The following KALRN variants were observed in gnomAD, a reference collection of about 807,000 sequenced individuals.
KALRN encodes the protein kalirin RhoGEF kinase.
A neutral mutation model predicts 353.7 loss-of-function variants in KALRN; 70 were observed. The observed-to-expected ratio is 0.20, with a 90% CI of 0.16 to 0.24. The LOEUF is 0.24. Among genes scored for constraint, KALRN ranks in the 10% least tolerant of loss-of-function variants. The pLI, the probability that KALRN is intolerant of heterozygous loss-of-function variation, is 1.00. For synonymous variants in KALRN, 1,391 were observed against 1,434.8 expected (o/e 0.97, Z 0.69); for missense variants, 2,791 against 3,756.7 (o/e 0.74, Z 6.72).
At chr3:124,562,636 C>T in intron 33 of KALRN, 7 of 374,070 alleles carry the variant, frequency 1.9e-5, no homozygotes, top group Non-Finnish European at 3.0e-5. Flanking sequence ...ACATTTTTTT[C>T]TTGTTTTCTT....
intron 34 of KALRN, among the ~76,000 whole-genome samples, chr3:124,628,138 A>C (rs1258487730): frequency 1.3e-4 from 14 of 104,624 alleles, no homozygotes; most frequent in East Asian, 3.2e-4. Flanking sequence ...CTTTCCTTCC[A>C]TCCTCCCTCC....
intron 3 of KALRN, among the ~76,000 whole-genome samples, chr3:124,251,194 T>G (rs1220018800): frequency 1.3e-5 from 2 of 152,138 alleles, no homozygotes; most frequent in Non-Finnish European, 2.9e-5. Flanking sequence ...TTTATGCAGC[T>G]GCCTCATGCT....
intron 33 of KALRN, among the ~76,000 whole-genome samples, chr3:124,523,281 C>T (rs1561217327): frequency 6.6e-6 from 1 of 152,214 alleles, no homozygotes. Context: ...AAATCCAGGA[C>T]ATACAGCTGC....
chr3:124,174,493 G>A (rs2072377253), intron 1 of KALRN, among the ~76,000 whole-genome samples: 1 of 152,202 alleles, frequency 6.6e-6, no homozygotes, highest in South Asian at 2.1e-4. Flanking sequence ...GTCAGTTGCT[G>A]CCAATCTGCC....
intron 5 of KALRN, among the ~76,000 whole-genome samples, chr3:124,296,691 C>T (rs1453221784): frequency 6.6e-6 from 1 of 152,236 alleles, no homozygotes; most frequent in East Asian, 1.9e-4. Flanking sequence ...CAGTCTGTCC[C>T]ACCTGCCTCC....
intron 1 of KALRN, among the ~76,000 whole-genome samples, chr3:124,067,882 T>G (rs1379643626): frequency 6.6e-6 from 1 of 152,224 alleles, no homozygotes; most frequent in Non-Finnish European, 1.5e-5. Context: ...GACTAGGATG[T>G]GAAGACACAG....
intron 33 of KALRN, among the ~76,000 whole-genome samples, chr3:124,556,898 G>T (rs1481266486): frequency 6.6e-6 from 1 of 152,104 alleles, no homozygotes; most frequent in Non-Finnish European, 1.5e-5. Flanking sequence ...TGTTGATGAT[G>T]TTCACACAGT....
At chr3:124,229,369 T>C (rs2078916832) in intron 2 of KALRN, among the ~76,000 whole-genome samples, 1 of 152,264 alleles carries the variant, frequency 6.6e-6, no homozygotes, top group Non-Finnish European at 1.5e-5. Context: ...GGGATCAGAA[T>C]TTCTGGTAGG....
At chr3:124,361,734 T>C (rs2084055058) in intron 10 of KALRN, among the ~76,000 whole-genome samples, 1 of 151,146 alleles carries the variant, frequency 6.6e-6, no homozygotes, top group Non-Finnish European at 1.5e-5. Flanking sequence ...TAGGTGTGCA[T>C]ATATTACAGG....
At chr3:124,378,488 G>A (rs2086879173) in intron 10 of KALRN, among the ~76,000 whole-genome samples, 1 of 151,116 alleles carries the variant, frequency 6.6e-6, no homozygotes, top group African/African-American at 2.5e-5. Context: ...AGTATTTCCA[G>A]TGCTCTTGAT....
At position 124,674,402 on chromosome 3, in the gene KALRN, C is replaced by A. The variant is rs753293932; in HGVS notation, c.6981C>A (p.Ala2327=). 1 of 1,613,526 alleles carries A rather than the reference C, an allele frequency of 6.2e-7. No homozygotes were observed. The highest frequency in any genetic ancestry group is 1.7e-5 in the Admixed American group (1 of 59,934). ...LGGCNGTSSM[A]VIKDYYALKE... is the part of the protein sequence containing the mutation. ...GCTGCAATGGGACCTCGTCCATGGC[C>A]GTGATCAAAGATTACTATGCACTGA... The change falls in exon 49 of 60, where the codon GCC becomes GCA. Residue 2327 remains alanine (A), a synonymous_variant. Coordinates refer to ENST00000682506, the MANE Select transcript of KALRN (RefSeq NM_001388419.1).
intron 1 of KALRN, among the ~76,000 whole-genome samples, chr3:124,106,806 G>A (rs752022848): frequency 3.3e-5 from 5 of 152,178 alleles, no homozygotes; most frequent in Middle Eastern, 3.4e-3. Context: ...TATATTCCCC[G>A]ATATATACCC....
intron 27 of KALRN, 113 bp from the exon 28 acceptor site, chr3:124,482,695 T>A: frequency 1.4e-6 from 1 of 729,800 alleles, no homozygotes; most frequent in Non-Finnish European, 2.5e-6. Context: ...CTCATACTTG[T>A]CTACCTTTTT....
intron 34 of KALRN, among the ~76,000 whole-genome samples, chr3:124,568,587 A>T (rs1432189149): frequency 2.6e-5 from 4 of 152,224 alleles, no homozygotes; most frequent in Non-Finnish European, 4.4e-5. Context: ...CAATAGTCAA[A>T]AGGTGAAAGC....
chr3:124,657,302 C>T, intron 39 of KALRN, 146 bp from the exon 40 acceptor site: 2 of 593,970 alleles, frequency 3.4e-6, no homozygotes, highest in Non-Finnish European at 5.9e-6. Context: ...GGTTAAAGAC[C>T]TGGTTGAATA....
intron 10 of KALRN, among the ~76,000 whole-genome samples, chr3:124,363,139 G>A (rs1055150867): frequency 1.7e-4 from 26 of 152,062 alleles, no homozygotes; most frequent in Admixed American, 3.3e-4. Flanking sequence ...TAAAGTTTGG[G>A]ATTTACTCCA....
At chr3:124,413,203 C>A (rs2092297915) in intron 13 of KALRN, among the ~76,000 whole-genome samples, 1 of 152,158 alleles carries the variant, frequency 6.6e-6, no homozygotes, top group Admixed American at 6.5e-5. Context: ...TATGCAAAAA[C>A]TTTATAAGCC....
intron 1 of KALRN, among the ~76,000 whole-genome samples, chr3:124,206,268 A>C (rs1266658495): frequency 1.3e-5 from 2 of 152,174 alleles, no homozygotes; most frequent in Non-Finnish European, 2.9e-5. Flanking sequence ...AGAGTCCTCC[A>C]CTGAACACTT....
At chr3:124,562,765 TCAC>T (rs1195167615) in intron 33 of KALRN, 75 bp from the exon 34 acceptor site, 1 of 1,218,990 alleles carries the variant, frequency 8.2e-7, no homozygotes, top group African/African-American at 1.6e-5. Context: ...TCGTCCCCTC[TCAC>T]CAACCCTCTC....
Sources: gnomAD v4.1 joint callset for allele counts (sites outside exome capture counted in the v4.1 genomes callset) on GRCh38, gnomAD v4.1.1 for gene constraint, MANE v1.5 for transcripts, NCBI Gene and HGNC (gene_info 2026-07-23, HGNC 2026-07-21) for gene names.